The following LHFPL2 variants were observed in gnomAD, a reference collection of about 807,000 sequenced individuals.
LHFPL2 encodes LHFPL tetraspan subfamily member 2 protein.
LHFPL2 carries 7 observed loss-of-function variants against 17.5 expected under a neutral mutation model. The ratio of observed to expected loss-of-function variants is 0.40; its 90% CI spans 0.23 to 0.75. The LOEUF (loss-of-function observed/expected upper bound fraction) is 0.75, where lower values mean the gene tolerates loss of function less well. Among genes scored for constraint, LHFPL2 ranks in the 30% least tolerant of loss-of-function variants. The pLI is 0.37. For missense variants in LHFPL2, 241 were observed against 294.8 expected, an observed-to-expected ratio of 0.82 and a Z score of 1.34; for synonymous variants, 134 against 116.2, an observed-to-expected ratio of 1.15 and a Z score of -0.99.
chr5:78,607,259 C>T (rs978921274), intron 2 of LHFPL2, among the ~76,000 whole-genome samples: 1 of 151,658 alleles, frequency 6.6e-6, no homozygotes, highest in Non-Finnish European at 1.5e-5. Flanking sequence ...ATTACAGGCA[C>T]CCGCCACCAC....
At chr5:78,605,699 C>T (rs1744189529) in intron 2 of LHFPL2, among the ~76,000 whole-genome samples, 1 of 152,074 alleles carries the variant, frequency 6.6e-6, no homozygotes, top group Admixed American at 6.6e-5. Flanking sequence ...TTTGGTCTAT[C>T]ACAAAATTTC....
chr5:78,641,344 C>A (rs574201022), intron 1 of LHFPL2, among the ~76,000 whole-genome samples: 1 of 152,366 alleles, frequency 6.6e-6, no homozygotes, highest in South Asian at 2.1e-4. Flanking sequence ...CTGGTTACGT[C>A]TAGTTGAACC....
chr5:78,615,056 A>C (rs954437348), intron 2 of LHFPL2, among the ~76,000 whole-genome samples: 1 of 152,244 alleles, frequency 6.6e-6, no homozygotes, highest in Admixed American at 6.5e-5. Flanking sequence ...TGCAGAAGAG[A>C]CTTTGACTTC....
intron 3 of LHFPL2, among the ~76,000 whole-genome samples, chr5:78,537,761 G>A (rs962943232): frequency 2.0e-5 from 3 of 152,198 alleles, no homozygotes; most frequent in East Asian, 1.9e-4. Context: ...TCCCACCCAA[G>A]TTGAAAGCTT....
chr5:78,545,255 A>T (rs771034973), intron 3 of LHFPL2, among the ~76,000 whole-genome samples: 1 of 152,130 alleles, frequency 6.6e-6, no homozygotes, highest in Non-Finnish European at 1.5e-5. Flanking sequence ...CCCTTACCCA[A>T]CACATTCCCC....
At chr5:78,555,537 G>A (rs1412713162) in intron 3 of LHFPL2, among the ~76,000 whole-genome samples, 1 of 152,248 alleles carries the variant, frequency 6.6e-6, no homozygotes, top group Non-Finnish European at 1.5e-5. Context: ...TGGGCAGAGG[G>A]GGAAAGAGGT....
chr5:78,621,932 A>C (rs1423755981), intron 2 of LHFPL2, among the ~76,000 whole-genome samples: 1 of 152,140 alleles, frequency 6.6e-6, no homozygotes, highest in Non-Finnish European at 1.5e-5. Flanking sequence ...GCAGCTGGCC[A>C]CCAAGAATGG....
intron 4 of LHFPL2, among the ~76,000 whole-genome samples, chr5:78,496,558 A>G (rs987816246): frequency 2.6e-5 from 4 of 152,232 alleles, no homozygotes; most frequent in African/African-American, 9.6e-5. Context: ...TCTGAGCCCC[A>G]GCCCTTGTTG....
chr5:78,645,155 G>A (rs1745820589), intron 1 of LHFPL2, among the ~76,000 whole-genome samples: 1 of 152,190 alleles, frequency 6.6e-6, no homozygotes, highest in South Asian at 2.1e-4. Flanking sequence ...GGAAGGCAAG[G>A]ACACCCAACA....
intron 1 of LHFPL2, among the ~76,000 whole-genome samples, chr5:78,641,516 A>G (rs941851101): frequency 6.6e-6 from 1 of 152,162 alleles, no homozygotes; most frequent in East Asian, 1.9e-4. Context: ...AAGAGTTGTG[A>G]AAGTTAGTTT....
intron 2 of LHFPL2, among the ~76,000 whole-genome samples, chr5:78,618,464 T>TGG (rs1398342815): frequency 2.6e-5 from 4 of 152,174 alleles, no homozygotes; most frequent in Admixed American, 6.5e-5. Flanking sequence ...TCTAGAGGCT[T>TGG]GGTTTGCATG....
intron 2 of LHFPL2, among the ~76,000 whole-genome samples, chr5:78,613,347 A>T (rs1001360181): frequency 1.3e-5 from 2 of 152,198 alleles, no homozygotes; most frequent in African/African-American, 4.8e-5. Flanking sequence ...AGAAGTGACC[A>T]GGCAAGGAGA....
rs552597119 is a variant in LHFPL2 at position 78,587,056 on chromosome 5, TC to T, written c.-244-22186del. 2.3e-3 allele frequency among the ~76,000 whole-genome samples: 353 copies of T among 152,328 alleles called. 2 individuals are homozygous for T. Among genetic ancestry groups the T allele is most frequent in the African/African-American group, 8.2e-3 (339 of 41,568 alleles). Reference sequence around the variant, plus strand: ...ACAACTACTTCTATTCCTTCCATTTTCTTCCTTCATTATTAGTAATAAAATG... The same window carrying T: ...ACAACTACTTCTATTCCTTCCATTTTTTCCTTCATTATTAGTAATAAAATG... On this transcript the variant is annotated intron_variant, in intron 2 of 4. Coordinates refer to ENST00000380345, the MANE Select transcript of LHFPL2 (RefSeq NM_005779.3).
Position 78,635,804 on chromosome 5 carries a change from AAAAC to A in LHFPL2, c.-349-3440_-349-3437del, listed in dbSNP as rs35936466. 3.7e-3 allele frequency among the ~76,000 whole-genome samples: 553 copies of A among 151,422 alleles called. 5 individuals are homozygous for A. Among genetic ancestry groups the A allele is most frequent in the African/African-American group, 0.012 (486 of 41,170 alleles). On this transcript the variant is annotated intron_variant, in intron 1 of 4. Coordinates refer to ENST00000380345, the MANE Select transcript of LHFPL2 (RefSeq NM_005779.3). ...GGTGACAGAGCGAGACTCCGTCTCA[AAAAC>A]AAACAAACAAACAAACAACAACAAA...
chr5:78,641,637 T>C (rs73769041), intron 1 of LHFPL2, among the ~76,000 whole-genome samples: 3,571 of 152,238 alleles, frequency 0.023, 132 homozygotes, highest in African/African-American at 0.081. Context: ...CATTATAACA[T>C]GTTATTAAAT....
At chr5:78,593,764 G>A (rs1297000802) in intron 2 of LHFPL2, among the ~76,000 whole-genome samples, 1 of 152,066 alleles carries the variant, frequency 6.6e-6, no homozygotes, top group African/African-American at 2.4e-5. Flanking sequence ...TCCATACACA[G>A]CCTAGAGGAG....
At chr5:78,630,547 G>C (rs1275139936) in intron 2 of LHFPL2, among the ~76,000 whole-genome samples, 1 of 152,112 alleles carries the variant, frequency 6.6e-6, no homozygotes, top group East Asian at 1.9e-4. Context: ...CCATGAAGAG[G>C]GTCAGCTGGG....
Position 78,488,593 on chromosome 5 carries a change from C to A in LHFPL2, c.*304G>T. On this transcript the variant is annotated 3_prime_UTR_variant, in exon 5 of 5. Transcript: ENST00000380345. ...TTCCGTTACCAGAGAAACTGCTGCC[C>A]TAATGATTTAGATTATTATCCTTCA... The A allele has an allele frequency of 2.9e-6, 1 of 349,478 alleles. No homozygotes were observed. Among genetic ancestry groups the A allele is most frequent in the Non-Finnish European group, 5.4e-6 (1 of 185,150 alleles). The allele number at this position is 349,478 out of a possible 1,614,324, so 21.6% of individuals were successfully genotyped here.
At chr5:78,502,251 G>A (rs1241417538) in intron 4 of LHFPL2, among the ~76,000 whole-genome samples, 1 of 152,170 alleles carries the variant, frequency 6.6e-6, no homozygotes, top group East Asian at 1.9e-4. Context: ...GAAATTAATG[G>A]CCATCAGTTA....
Sources: allele counts gnomAD v4.1 joint callset (sites outside exome capture counted in the v4.1 genomes callset), GRCh38; gene constraint gnomAD v4.1.1; transcripts MANE v1.5; gene names NCBI Gene and HGNC (gene_info 2026-07-23, HGNC 2026-07-21).